Variants in IKZF3 observed in about 807,000 individuals in gnomAD.
The protein encoded by IKZF3 is zinc finger protein Aiolos.
IKZF3 carries 10 observed loss-of-function variants against 49.0 expected under a neutral mutation model. The ratio of observed to expected loss-of-function variants is 0.20; its 90% CI spans 0.13 to 0.35. IKZF3 has a LOEUF of 0.35. Among genes scored for constraint, IKZF3 ranks in the 10% least tolerant of loss-of-function variants. The pLI is 1.00. For synonymous variants in IKZF3, 209 were observed against 228.2 expected (o/e 0.92, Z 0.76); for missense variants, 498 against 664.8 (o/e 0.75, Z 2.76).
intron 3 of IKZF3, among the ~76,000 whole-genome samples, chr17:39,819,184 T>C (rs1285859447): frequency 6.6e-6 from 1 of 152,228 alleles, no homozygotes; most frequent in African/African-American, 2.4e-5. Context: ...TGTTTGAGTA[T>C]TTAATCTGTT....
chr17:39,810,022 T>C (rs971940219), intron 3 of IKZF3, among the ~76,000 whole-genome samples: 1 of 152,220 alleles, frequency 6.6e-6, no homozygotes, highest in Non-Finnish European at 1.5e-5. Context: ...TGAACATCTT[T>C]GAGAACTGTA....
At chr17:39,793,478 C>T (rs2061081643) in intron 3 of IKZF3, among the ~76,000 whole-genome samples, 1 of 152,216 alleles carries the variant, frequency 6.6e-6, no homozygotes, top group African/African-American at 2.4e-5. Context: ...ATTGCTAAAA[C>T]ACATCTTATC....
At chr17:39,862,123 A>T (rs1456683380) in intron 1 of IKZF3, among the ~76,000 whole-genome samples, 1 of 152,200 alleles carries the variant, frequency 6.6e-6, no homozygotes, top group Non-Finnish European at 1.5e-5. Context: ...TGAGAAAATT[A>T]AAAAGTTATA....
At chr17:39,829,845 G>A (rs1037933030) in intron 2 of IKZF3, among the ~76,000 whole-genome samples, 2 of 152,100 alleles carry the variant, frequency 1.3e-5, no homozygotes, top group African/African-American at 2.4e-5. Context: ...CCAGCTACTC[G>A]GGAGGCTGAG....
chr17:39,801,476 C>T (rs1459558640), intron 3 of IKZF3, among the ~76,000 whole-genome samples: 1 of 152,120 alleles, frequency 6.6e-6, no homozygotes, highest in Non-Finnish European at 1.5e-5. Context: ...GCTTGAAGCA[C>T]TAAAGAGCAA....
chr17:39,781,700 G>A (rs2060745332), intron 6 of IKZF3, among the ~76,000 whole-genome samples: 1 of 152,186 alleles, frequency 6.6e-6, no homozygotes, highest in African/African-American at 2.4e-5. Context: ...ACATTTGGGA[G>A]GATGCTGAAG....
chr17:39,834,602 T>A (rs952386339), intron 1 of IKZF3, among the ~76,000 whole-genome samples: 1 of 152,212 alleles, frequency 6.6e-6, no homozygotes, highest in Non-Finnish European at 1.5e-5. Flanking sequence ...GAGAACACAG[T>A]CTGTGTGACT....
chr17:39,816,158 T>C (rs1285457464), intron 3 of IKZF3, among the ~76,000 whole-genome samples: 1 of 152,234 alleles, frequency 6.6e-6, no homozygotes. Context: ...ACCAACTAAA[T>C]GGTAACACAA....
chr17:39,810,793 A>G (rs1206685735), intron 3 of IKZF3, among the ~76,000 whole-genome samples: 1 of 152,236 alleles, frequency 6.6e-6, no homozygotes, highest in Non-Finnish European at 1.5e-5. Flanking sequence ...AAAAAGTAAA[A>G]TTTATTGGGA....
chr17:39,785,363 C>A (rs1207206561), intron 6 of IKZF3, among the ~76,000 whole-genome samples: 1 of 151,970 alleles, frequency 6.6e-6, no homozygotes, highest in Non-Finnish European at 1.5e-5. Context: ...AAAATCAAAA[C>A]TTGCTGACTT....
At chr17:39,835,275 A>G (rs1229184866) in intron 1 of IKZF3, 10 of 552,064 alleles carry the variant, frequency 1.8e-5, no homozygotes, top group African/African-American at 3.8e-5. Context: ...GGCCAGCTTG[A>G]TGGTCATCAG....
rs540177049 is a variant in IKZF3, at chr17:39,852,296, G to A, written c.7+11824C>T. Among the ~76,000 whole-genome samples the A allele has an allele frequency of 2.0e-4, 30 of 152,144 alleles. 1 individual carries two copies. The highest frequency in any genetic ancestry group is 7.2e-4 in the African/African-American group (30 of 41,496). ...CTGGAAAAACTGGTCTGTAATCAAC[G>A]TTTCTACTTCTTCTACTCCCATTCC... On this transcript the variant is annotated intron_variant, in intron 1 of 7. Transcript: ENST00000346872.
intron 1 of IKZF3, among the ~76,000 whole-genome samples, chr17:39,845,873 T>C (rs1405424337): frequency 1.3e-5 from 2 of 152,228 alleles, no homozygotes; most frequent in African/African-American, 2.4e-5. Context: ...GAAAAATTAA[T>C]GCGACTTTTC....
At chr17:39,840,860 G>A (rs2062444866) in intron 1 of IKZF3, among the ~76,000 whole-genome samples, 1 of 152,078 alleles carries the variant, frequency 6.6e-6, no homozygotes, top group Admixed American at 6.6e-5. Context: ...TGTCCATGCA[G>A]GGTAGGCAGT....
intron 6 of IKZF3, among the ~76,000 whole-genome samples, chr17:39,787,680 AC>A (rs1416999483): frequency 1.3e-5 from 2 of 152,198 alleles, no homozygotes; most frequent in Non-Finnish European, 2.9e-5. Context: ...TGGCCTCCTA[AC>A]TGGACCCCCA....
intron 3 of IKZF3, among the ~76,000 whole-genome samples, chr17:39,806,107 G>C (rs2061426625): frequency 6.6e-6 from 1 of 152,150 alleles, no homozygotes; most frequent in Non-Finnish European, 1.5e-5. Flanking sequence ...GTACTAACTA[G>C]CTGTGTGACC....
chr17:39,801,770 A>G (rs1024928734), intron 3 of IKZF3, among the ~76,000 whole-genome samples: 1 of 152,376 alleles, frequency 6.6e-6, no homozygotes, highest in Non-Finnish European at 1.5e-5. Context: ...CAGTAAAATT[A>G]TAAAGCTTCA....
chr17:39,853,201 G>A (rs571920480), intron 1 of IKZF3, among the ~76,000 whole-genome samples: 1 of 152,116 alleles, frequency 6.6e-6, no homozygotes, highest in African/African-American at 2.4e-5. Context: ...TTCCATAAGG[G>A]CCAAAGCTTT....
At chr17:39,831,042 A>AT (rs573795667) in intron 2 of IKZF3, among the ~76,000 whole-genome samples, 61 of 152,232 alleles carry the variant, frequency 4.0e-4, no homozygotes, top group Non-Finnish European at 8.2e-4. Context: ...AATGACTAAA[A>AT]TATAGTGGAC....
Sources: gnomAD v4.1 joint callset for allele counts (sites outside exome capture counted in the v4.1 genomes callset) on GRCh38, gnomAD v4.1.1 for gene constraint, MANE v1.5 for transcripts, NCBI Gene and HGNC (gene_info 2026-07-23, HGNC 2026-07-21) for gene names.